The following GRIA2 variants were observed in gnomAD, a reference collection of about 807,000 sequenced individuals.
GRIA2 encodes the protein glutamate ionotropic receptor AMPA type subunit 2.
GRIA2 carries 14 observed loss-of-function variants against 97.3 expected under a neutral mutation model. The ratio of observed to expected loss-of-function variants is 0.14; its 90% CI spans 0.10 to 0.23. GRIA2 has a LOEUF of 0.23. Ranked by LOEUF, GRIA2 falls within the 10% of genes least tolerant of loss-of-function variation. The pLI is 1.00. For synonymous variants in GRIA2, 412 were observed against 387.8 expected, an observed-to-expected ratio of 1.06 and a Z score of -0.73; for missense variants, 558 against 1,069.8, an observed-to-expected ratio of 0.52 and a Z score of 6.67.
chr4:157,249,975 T>C (rs1730951354), intron 2 of GRIA2: 1 of 152,148 alleles, frequency 6.6e-6, no homozygotes, highest in Non-Finnish European at 1.5e-5. Context: ...ATATTGTTTT[T>C]ATTTTAAAGA....
At chr4:157,306,090 A>G (rs182377823) in intron 3 of GRIA2, among the ~76,000 whole-genome samples, 147 of 152,318 alleles carry the variant, frequency 9.7e-4, no homozygotes, top group Middle Eastern at 3.4e-3. Flanking sequence ...TTTTGCTTGC[A>G]AAATTGAAGA....
intron 3 of GRIA2, among the ~76,000 whole-genome samples, chr4:157,311,569 A>G (rs1734080806): frequency 6.6e-6 from 1 of 152,184 alleles, no homozygotes; most frequent in East Asian, 1.9e-4. Flanking sequence ...TAGCAAAAAG[A>G]TTTAAATAAA....
intron 12 of GRIA2, among the ~76,000 whole-genome samples, chr4:157,345,137 A>C (rs1489648696): frequency 1.3e-5 from 2 of 152,108 alleles, no homozygotes; most frequent in Non-Finnish European, 2.9e-5. Context: ...TAGTAAAGTC[A>C]GTGAGTATGT....
chr4:157,245,657 C>A lies in GRIA2; in HGVS notation c.229+23850C>A, dbSNP rs148347655. Reference sequence around the variant, plus strand: ...TGGATGTCATGCTAAGTAGTAAAGGCAATAAATTATCAGTATTTGGGGGAT... The same window carrying A: ...TGGATGTCATGCTAAGTAGTAAAGGAAATAAATTATCAGTATTTGGGGGAT... On this transcript the variant is annotated intron_variant, in intron 2 of 15. Coordinates refer to ENST00000264426, the MANE Select transcript of GRIA2 (RefSeq NM_001083619.3). Among the ~76,000 whole-genome samples the A allele has an allele frequency of 1.4e-3, 216 of 152,128 alleles. 1 individual carries two copies. The highest frequency in any genetic ancestry group is 4.8e-3 in the African/African-American group (200 of 41,522).
At chr4:157,284,790 C>G (rs1485182277) in intron 2 of GRIA2, among the ~76,000 whole-genome samples, 1 of 151,662 alleles carries the variant, frequency 6.6e-6, no homozygotes, top group Non-Finnish European at 1.5e-5. Context: ...ATTTATAGTT[C>G]TACATCATTA....
intron 12 of GRIA2, among the ~76,000 whole-genome samples, chr4:157,356,650 C>T (rs1234745024): frequency 2.0e-5 from 3 of 152,064 alleles, no homozygotes; most frequent in African/African-American, 2.4e-5. Context: ...TTTGGTAGAA[C>T]AATGTGTGCA....
intron 2 of GRIA2, among the ~76,000 whole-genome samples, chr4:157,258,925 G>A (rs1731403669): frequency 1.3e-5 from 2 of 152,040 alleles, no homozygotes; most frequent in Admixed American, 6.6e-5. Flanking sequence ...AGAAGATAAA[G>A]GAAGGGGACA....
intron 2 of GRIA2, among the ~76,000 whole-genome samples, chr4:157,298,173 A>G (rs1488431628): frequency 6.6e-6 from 1 of 152,142 alleles, no homozygotes; most frequent in Non-Finnish European, 1.5e-5. Flanking sequence ...CACATGGCAG[A>G]ACCAAGGAGA....
intron 9 of GRIA2, chr4:157,334,413 CGA>C (rs1735194606): frequency 4.2e-6 from 1 of 239,302 alleles, no homozygotes; most frequent in South Asian, 7.6e-5. Flanking sequence ...CATGTTTCTG[CGA>C]GTTATTCACC....
intron 2 of GRIA2, among the ~76,000 whole-genome samples, chr4:157,282,605 C>T (rs1732656012): frequency 6.6e-6 from 1 of 152,032 alleles, no homozygotes; most frequent in Non-Finnish European, 1.5e-5. Flanking sequence ...GGAGTTCACA[C>T]TTTGGATCAA....
intron 3 of GRIA2, among the ~76,000 whole-genome samples, chr4:157,309,664 A>G (rs1000873557): frequency 6.6e-6 from 1 of 152,158 alleles, no homozygotes; most frequent in Non-Finnish European, 1.5e-5. Flanking sequence ...CATCATCTCT[A>G]TATTCTTTTG....
At chr4:157,253,832 C>A (rs1731121719) in intron 2 of GRIA2, among the ~76,000 whole-genome samples, 1 of 151,984 alleles carries the variant, frequency 6.6e-6, no homozygotes, top group Admixed American at 6.6e-5. Context: ...ATTCTGTTTA[C>A]CCCCACTTTC....
At chr4:157,357,971 T>C (rs1474886290) in intron 12 of GRIA2, among the ~76,000 whole-genome samples, 1 of 152,176 alleles carries the variant, frequency 6.6e-6, no homozygotes, top group African/African-American at 2.4e-5. Context: ...TCAAAATTGA[T>C]ATTTTAAACT....
intron 11 of GRIA2, among the ~76,000 whole-genome samples, chr4:157,337,917 A>G (rs1326921419): frequency 2.0e-5 from 3 of 149,728 alleles, no homozygotes; most frequent in African/African-American, 7.3e-5. Flanking sequence ...CAGTTCCACC[A>G]GATTCCCTGT....
intron 2 of GRIA2, among the ~76,000 whole-genome samples, chr4:157,226,618 A>G (rs777035467): frequency 3.9e-5 from 6 of 152,100 alleles, no homozygotes; most frequent in Non-Finnish European, 7.4e-5. Flanking sequence ...AAATTAATTG[A>G]TGTTTGCTAA....
At chr4:157,298,990 T>G (rs1184832676) in intron 2 of GRIA2, among the ~76,000 whole-genome samples, 1 of 152,030 alleles carries the variant, frequency 6.6e-6, no homozygotes, top group African/African-American at 2.4e-5. Context: ...GGAGAAGGTC[T>G]TTTTAATTTA....
At chr4:157,276,275 A>T (rs1163769367) in intron 2 of GRIA2, among the ~76,000 whole-genome samples, 1 of 152,106 alleles carries the variant, frequency 6.6e-6, no homozygotes, top group Non-Finnish European at 1.5e-5. Context: ...ATTAAACAAC[A>T]CACTTCTAAA....
At chr4:157,344,717 T>C (rs1271164218) in intron 12 of GRIA2, among the ~76,000 whole-genome samples, 2 of 152,102 alleles carry the variant, frequency 1.3e-5, no homozygotes, top group Non-Finnish European at 2.9e-5. Context: ...TATTGTTAAA[T>C]TTTCTGCTAT....
chr4:157,291,220 G>A (rs1001535512), intron 2 of GRIA2, among the ~76,000 whole-genome samples: 1 of 151,878 alleles, frequency 6.6e-6, no homozygotes, highest in Non-Finnish European at 1.5e-5. Flanking sequence ...TTTCCCGAAT[G>A]CCTCCTTTTC....
Sources: gnomAD v4.1 joint callset for allele counts (sites outside exome capture counted in the v4.1 genomes callset) on GRCh38, gnomAD v4.1.1 for gene constraint, MANE v1.5 for transcripts, NCBI Gene and HGNC (gene_info 2026-07-23, HGNC 2026-07-21) for gene names.